Variants in BDP1 observed in about 807,000 individuals in gnomAD.
BDP1 encodes BDP1 general transcription factor IIIB subunit, also known as transcription factor TFIIIB component B'' homolog.
Under a neutral mutation model 266.6 loss-of-function variants are expected in BDP1, and 169 were observed. The observed-to-expected ratio is 0.63, with a 90% confidence interval of 0.56 to 0.72. BDP1 has a LOEUF of 0.72. BDP1 is among the 30% of genes least tolerant of loss of function. The pLI, the probability that BDP1 is intolerant of heterozygous loss-of-function variation, is 0.00. For missense variants in BDP1, 3,015 were observed against 3,053.8 expected (o/e 0.99, Z 0.30); for synonymous variants, 1,090 against 1,022.4 (o/e 1.07, Z -1.26).
intron 7 of BDP1, among the ~76,000 whole-genome samples, chr5:71,481,677 G>A (rs1171042032): frequency 1.3e-5 from 2 of 152,130 alleles, no homozygotes; most frequent in African/African-American, 2.4e-5. Context: ...ATCTAGACTG[G>A]TCTTTAATCT....
Position 71,512,382 on chromosome 5 carries a change from A to T in BDP1, c.4201A>T (p.Ile1401Phe). Residue 1401 changes from isoleucine (I) to phenylalanine (F), a missense_variant, in exon 18 of 39, where the codon ATT becomes TTT. Ile to Phe is a conservative substitution (Grantham distance 21). This residue lies in a region of BDP1 where 2,383 missense variants were observed against 2,404.9 expected (regional missense o/e 0.99). Coordinates refer to ENST00000358731, the MANE Select transcript of BDP1 (RefSeq NM_018429.3). ...ATCTGATAAAACAGAAGTCCAGGGG[A>T]TTCAATCTCCAGATGTTCCAGAGCA... ...HESDKTEVQGIQSPDVPEQFS... is the reference protein window; with the variant it reads ...HESDKTEVQGFQSPDVPEQFS... The T allele has an allele frequency of 6.3e-7, 1 of 1,587,978 alleles. No homozygotes were observed. The highest frequency in any genetic ancestry group is 8.5e-7 in the Non-Finnish European group (1 of 1,172,896).
At chr5:71,487,958 T>C (rs1317555384) in intron 9 of BDP1, among the ~76,000 whole-genome samples, 2 of 152,244 alleles carry the variant, frequency 1.3e-5, no homozygotes, top group African/African-American at 4.8e-5. Context: ...AAAGCTAGGC[T>C]AGAATTTCTT....
chr5:71,475,443 T>C (rs1386691376), intron 7 of BDP1, among the ~76,000 whole-genome samples: 1 of 152,212 alleles, frequency 6.6e-6, no homozygotes, highest in Non-Finnish European at 1.5e-5. Flanking sequence ...ATGGGAGCTT[T>C]TGTTTATGTA....
intron 7 of BDP1, among the ~76,000 whole-genome samples, chr5:71,472,147 G>A (rs543436507): frequency 1.8e-4 from 28 of 152,272 alleles, no homozygotes; most frequent in African/African-American, 6.5e-4. Context: ...GCTCTAGCAG[G>A]TCGTTGGGTA....
rs1554125849 is a variant in BDP1 at position 71,544,904 on chromosome 5, A to AAAGG, written c.6564-132_6564-131insGAAG. On this transcript the variant is annotated intron_variant, in intron 31 of 38. Transcript: ENST00000358731. The stretch of plus-strand genomic sequence containing the variant: ...CAAAAAAAAAAAAAAAAAAAAAAAA[A>AAAGG]AAGTCCTATTGCATTAAATATGTTT... The AAAGG allele has an allele frequency of 4.3e-5, 19 of 442,826 alleles. 2 individuals carry two copies. Among genetic ancestry groups the AAAGG allele is most frequent in the Middle Eastern group, 6.7e-4 (1 of 1,502 alleles). 27.4% of individuals were successfully genotyped at this position (442,826 alleles called of 1,614,324 possible).
At chr5:71,490,628 G>A (rs973326792) in intron 10 of BDP1, among the ~76,000 whole-genome samples, 4 of 152,136 alleles carry the variant, frequency 2.6e-5, no homozygotes, top group African/African-American at 9.7e-5. Flanking sequence ...CGCTTAGTAA[G>A]TACTTAATAA....
chr5:71,458,462 A>T (rs1446668545), intron 1 of BDP1, 117 bp from the exon 2 acceptor site: 27 of 607,394 alleles, frequency 4.4e-5, no homozygotes, highest in Middle Eastern at 4.8e-4. Context: ...CAAGTTACTA[A>T]TTTTTTTTTT....
chr5:71,522,236 T>G, intron 22 of BDP1, 53 bp from the exon 23 acceptor site: 2 of 1,454,666 alleles, frequency 1.4e-6, no homozygotes, highest in Non-Finnish European at 1.9e-6. Context: ...AGCTGTTATA[T>G]CAACAAGAAA....
At chr5:71,500,316 CTTTTTTTTTTTTTTTTTTT>C (rs58201517) in intron 13 of BDP1, among the ~76,000 whole-genome samples, 1 of 73,116 alleles carries the variant, frequency 1.4e-5, no homozygotes, top group Non-Finnish European at 2.4e-5. Flanking sequence ...AATCTTGTTT[CTTTTTTTTTTTTTTTTTTT>C]TTTTTTTGAG....
rs559912338 is a variant in BDP1, at chr5:71,502,039, C to T, written c.2048+386C>T. On this transcript the variant is annotated intron_variant, in intron 14 of 38. Transcript: ENST00000358731. ...TTATACTATGATTTGGGACTAATCC[C>T]CTGGAGTTCTACATTATTCTATAGT... Among the ~76,000 whole-genome samples, 34 of 152,168 alleles carry T rather than the reference C, an allele frequency of 2.2e-4. 1 individual carries two copies. The South Asian group carries it at 6.8e-3, about 31-fold the overall frequency.
intron 5 of BDP1, 132 bp downstream of exon 5, chr5:71,466,353 T>G: frequency 2.1e-6 from 2 of 971,028 alleles, no homozygotes; most frequent in Non-Finnish European, 3.0e-6. Context: ...ATAATGAATA[T>G]TGTAAATAGA....
chr5:71,463,953 T>A (rs1761729927), intron 3 of BDP1, 105 bp from the exon 4 acceptor site: 1 of 667,592 alleles, frequency 1.5e-6, no homozygotes, highest in Non-Finnish European at 2.5e-6. Flanking sequence ...CTGTGATATA[T>A]CATTAAAAAT....
rs1047377834 is a variant in BDP1 at position 71,566,284 on chromosome 5, T to C, written c.*1399T>C. 1 of 152,566 alleles carries C rather than the reference T, an allele frequency of 6.6e-6. No homozygotes were observed. Among genetic ancestry groups the C allele is most frequent in the African/African-American group, 2.4e-5 (1 of 41,424 alleles). The allele number at this position is 152,566 out of a possible 1,614,324, so 9.5% of individuals were successfully genotyped here. On this transcript the variant is annotated 3_prime_UTR_variant, in exon 39 of 39. Coordinates refer to ENST00000358731, the MANE Select transcript of BDP1 (RefSeq NM_018429.3). ...AAAAGCCAATTTCTTCATAGTTTTT[T>C]CCCATTAAATTCTCAAGGAACACTT...
At position 71,557,231 on chromosome 5, in the gene BDP1, C is replaced by T. The variant is rs115651009; in HGVS notation, c.7240+306C>T. On this transcript the variant is annotated intron_variant, in intron 36 of 38. Transcript: ENST00000358731. Reference sequence around the variant, plus strand: ...TTTTTTCTCCCCCGCCCCGCCAAGACAGGTTCTCACTCTGTTACCTAGGCT... The same window carrying T: ...TTTTTTCTCCCCCGCCCCGCCAAGATAGGTTCTCACTCTGTTACCTAGGCT... Among the ~76,000 whole-genome samples the T allele has an allele frequency of 9.9e-3, 1,505 of 152,142 alleles. 29 individuals are homozygous for T. Among genetic ancestry groups the T allele is most frequent in the African/African-American group, 0.034 (1,417 of 41,498 alleles).
In BDP1 at chr5:71,566,365, TATAA is replaced by T. The variant is rs1234053271; in HGVS notation, c.*1482_*1485del. On this transcript the variant is annotated 3_prime_UTR_variant, in exon 39 of 39. Transcript: ENST00000358731. ...GTTAAAAACAGAGAAAATAAGGCTT[TATAA>T]AGTTAATGATTATCATCAGTATGAA... 6.6e-6 allele frequency: 1 copy of T among 152,326 alleles called. No individual in the cohort carries two copies. The highest frequency in any genetic ancestry group is 1.5e-5 in the Non-Finnish European group (1 of 68,050). 9.4% of individuals were successfully genotyped at this position (152,326 alleles called of 1,614,324 possible). A position where few individuals can be genotyped will look rare whatever the true frequency, so the allele number is the denominator to read the frequency against.
At chr5:71,481,391 G>GAAAAAAAAAAAAAAAAA (rs58798987) in intron 7 of BDP1, among the ~76,000 whole-genome samples, 1 of 63,860 alleles carries the variant, frequency 1.6e-5, no homozygotes, top group Non-Finnish European at 2.7e-5. Context: ...TCTCTACAAA[G>GAAAAAAAAAAAAAAAAA]AAAAAAAAAA....
intron 15 of BDP1, among the ~76,000 whole-genome samples, chr5:71,503,022 G>GCCA (rs1408244273): frequency 7.5e-6 from 1 of 132,986 alleles, no homozygotes; most frequent in African/African-American, 2.8e-5. Flanking sequence ...CTGAGATCGT[G>GCCA]CCACCGCACT....
Position 71,566,321 on chromosome 5 carries a change from C to T in BDP1, c.*1436C>T, listed in dbSNP as rs1744032143. ...CTCAAGGAACACTTGGATCTTTAAG[C>T]ACGGAACATAATCATGATGTTAAAA... On this transcript the variant is annotated 3_prime_UTR_variant, in exon 39 of 39. Transcript: ENST00000358731. 1 of 152,452 alleles carries T rather than the reference C, an allele frequency of 6.6e-6. No homozygotes were observed. The highest frequency in any genetic ancestry group is 1.5e-5 in the Non-Finnish European group (1 of 68,056). The allele number at this position is 152,452 out of a possible 1,614,324, so 9.4% of individuals were successfully genotyped here. A position where few individuals can be genotyped will look rare whatever the true frequency, so the allele number is the denominator to read the frequency against.
intron 17 of BDP1, 95 bp from the exon 18 acceptor site, chr5:71,512,146 G>T: frequency 1.7e-6 from 1 of 592,494 alleles, no homozygotes; most frequent in African/African-American, 1.9e-5. Context: ...AGTTTTAAAG[G>T]AAAGTGTTTA....
Sources: gnomAD v4.1 joint callset for allele counts (sites outside exome capture counted in the v4.1 genomes callset) on GRCh38, gnomAD v4.1.1 for gene constraint, gnomAD v4.1.1 regional missense constraint, MANE v1.5 for transcripts, NCBI Gene and HGNC (gene_info 2026-07-23, HGNC 2026-07-21) for gene names.